ERBB4: variants seen among roughly 807,000 people sequenced by gnomAD.
ERBB4 encodes the protein receptor tyrosine-protein kinase erbB-4.
In ERBB4, 42 loss-of-function variants were observed where a neutral mutation model predicts 158.0. The ratio of observed to expected loss-of-function variants is 0.27; its 90% CI spans 0.21 to 0.34. The LOEUF (loss-of-function observed/expected upper bound fraction) is 0.34, where lower values mean the gene tolerates loss of function less well. ERBB4 is among the 10% of genes least tolerant of loss of function. The pLI is 1.00. For missense variants in ERBB4, 1,333 were observed against 1,624.1 expected (o/e 0.82, Z 3.08); for synonymous variants, 583 against 558.7 (o/e 1.04, Z -0.61).
At position 211,482,367 on chromosome 2, in the gene ERBB4, G is replaced by A. The variant is rs188477432; in HGVS notation, c.2488-51267C>T. The stretch of plus-strand genomic sequence containing the variant: ...AAAGAATTAGAAGGGTCATGCCTCA[G>A]TATTGGGGAAAAATTAACTCTAGAC... On this transcript the variant is annotated intron_variant, in intron 20 of 27. Transcript: ENST00000342788. 1.5e-4 allele frequency among the ~76,000 whole-genome samples: 23 copies of A among 152,294 alleles called. No homozygotes were observed. The East Asian group carries it at 4.4e-3, about 29-fold the overall frequency.
chr2:212,238,246 G>T (rs749663306), intron 1 of ERBB4, among the ~76,000 whole-genome samples: 1 of 152,176 alleles, frequency 6.6e-6, no homozygotes, highest in Non-Finnish European at 1.5e-5. Context: ...GGGTTGCGAA[G>T]ACTGTAGGAA....
intron 1 of ERBB4, among the ~76,000 whole-genome samples, chr2:212,209,150 T>C (rs971248419): frequency 3.3e-5 from 5 of 152,118 alleles, no homozygotes; most frequent in East Asian, 3.9e-4. Context: ...TCTATGGAAA[T>C]AAAATTAATG....
chr2:212,401,333 T>C (rs1033682452), intron 1 of ERBB4, among the ~76,000 whole-genome samples: 3 of 152,140 alleles, frequency 2.0e-5, no homozygotes, highest in Admixed American at 6.6e-5. Context: ...ATAATATATA[T>C]GAAAAGATAA....
intron 2 of ERBB4, among the ~76,000 whole-genome samples, chr2:212,061,879 G>T (rs1446116646): frequency 1.3e-5 from 2 of 151,760 alleles, no homozygotes; most frequent in African/African-American, 4.8e-5. Context: ...GGGATTACAG[G>T]CATGCACCAC....
chr2:212,242,587 T>A (rs1196009474), intron 1 of ERBB4, among the ~76,000 whole-genome samples: 1 of 152,134 alleles, frequency 6.6e-6, no homozygotes, highest in African/African-American at 2.4e-5. Flanking sequence ...GAAAAATAAG[T>A]GAAAGTGTAT....
chr2:212,384,903 A>ATATGTG (rs1553630435), intron 1 of ERBB4, among the ~76,000 whole-genome samples: 1 of 138,546 alleles, frequency 7.2e-6, no homozygotes, highest in Non-Finnish European at 1.5e-5. Flanking sequence ...ATATATATAT[A>ATATGTG]TATATATATA....
At chr2:211,957,978 AC>A (rs1419751040) in intron 2 of ERBB4, among the ~76,000 whole-genome samples, 1 of 152,076 alleles carries the variant, frequency 6.6e-6, no homozygotes, top group Non-Finnish European at 1.5e-5. Flanking sequence ...TATGGGAAAT[AC>A]CCTTTGAGGA....
chr2:211,603,638 T>C (rs1004040032), intron 19 of ERBB4, among the ~76,000 whole-genome samples: 1 of 152,230 alleles, frequency 6.6e-6, no homozygotes, highest in Admixed American at 6.5e-5. Context: ...TTATTAATCT[T>C]GGTCTTCACT....
At chr2:211,386,801 T>C in intron 27 of ERBB4, 52 bp downstream of exon 27, 1 of 1,581,870 alleles carries the variant, frequency 6.3e-7, no homozygotes, top group Non-Finnish European at 8.7e-7. Flanking sequence ...TTTGTTTATC[T>C]TGATGGAAGT....
At chr2:211,733,449 T>TGCC (rs1354490767) in intron 5 of ERBB4, among the ~76,000 whole-genome samples, 1 of 151,924 alleles carries the variant, frequency 6.6e-6, no homozygotes, top group African/African-American at 2.4e-5. Flanking sequence ...TGCGTAAGAA[T>TGCC]ACCATAGTAT....
intron 25 of ERBB4, among the ~76,000 whole-genome samples, chr2:211,402,873 T>C (rs932834567): frequency 8.6e-5 from 13 of 152,016 alleles, no homozygotes; most frequent in African/African-American, 3.1e-4. Context: ...AACATGCTAT[T>C]TGAAACTAGT....
At chr2:211,893,078 C>T (rs979023256) in intron 3 of ERBB4, among the ~76,000 whole-genome samples, 7 of 147,054 alleles carry the variant, frequency 4.8e-5, no homozygotes, top group Non-Finnish European at 9.0e-5. Flanking sequence ...TCATATGGAA[C>T]CAAAAAAGAG....
intron 20 of ERBB4, among the ~76,000 whole-genome samples, chr2:211,454,652 G>T (rs1294892406): frequency 6.6e-6 from 1 of 152,150 alleles, no homozygotes; most frequent in Non-Finnish European, 1.5e-5. Context: ...AGTAACAGAA[G>T]ATGTCAGTCA....
At chr2:211,386,758 C>T in intron 27 of ERBB4, 95 bp downstream of exon 27, 3 of 1,224,218 alleles carry the variant, frequency 2.5e-6, no homozygotes, top group Non-Finnish European at 3.6e-6. Flanking sequence ...AAATGTTGTG[C>T]TGGTCAGCTA....
At chr2:212,418,477 T>G (rs558604775) in intron 1 of ERBB4, among the ~76,000 whole-genome samples, 25 of 151,418 alleles carry the variant, frequency 1.7e-4, no homozygotes, top group African/African-American at 5.8e-4. Flanking sequence ...CACACTAGTT[T>G]TATTGTAATT....
intron 1 of ERBB4, among the ~76,000 whole-genome samples, chr2:212,407,344 C>T (rs34990972): frequency 0.15 from 23,193 of 151,888 alleles, 2,361 homozygotes; most frequent in Non-Finnish European, 0.23. Context: ...CTGTCAGACA[C>T]CCTTCTGAGG....
intron 3 of ERBB4, among the ~76,000 whole-genome samples, chr2:211,916,961 C>T (rs2079710593): frequency 6.6e-6 from 1 of 151,996 alleles, no homozygotes; most frequent in African/African-American, 2.4e-5. Flanking sequence ...TTAAGGATTG[C>T]CAAGACCTGT....
intron 1 of ERBB4, among the ~76,000 whole-genome samples, chr2:212,464,824 G>A (rs541207385): frequency 6.6e-6 from 1 of 151,146 alleles, no homozygotes; most frequent in South Asian, 2.1e-4. Flanking sequence ...ACATATAGTC[G>A]GCACTCAAAA....
chr2:211,929,778 G>A (rs1486871014), intron 3 of ERBB4, among the ~76,000 whole-genome samples: 1 of 152,096 alleles, frequency 6.6e-6, no homozygotes, highest in Non-Finnish European at 1.5e-5. Context: ...ATGCATAATA[G>A]TTAGATATTA....
Sources: allele counts gnomAD v4.1 joint callset (sites outside exome capture counted in the v4.1 genomes callset), GRCh38; gene constraint gnomAD v4.1.1; transcripts MANE v1.5; gene names NCBI Gene and HGNC (gene_info 2026-07-23, HGNC 2026-07-21).